KAZN: variants seen among roughly 807,000 people sequenced by gnomAD.
The protein encoded by KAZN is kazrin, periplakin interacting protein.
A neutral mutation model predicts 87.4 loss-of-function variants in KAZN; 40 were observed. The ratio of observed to expected loss-of-function variants is 0.46; its 90% CI spans 0.36 to 0.60. The LOEUF (loss-of-function observed/expected upper bound fraction) is 0.60. KAZN is among the 20% of genes least tolerant of loss of function. The probability of loss-of-function intolerance (pLI) is 0.00; values close to 1 mark genes in which losing one functional copy is unlikely to be tolerated. For synonymous variants in KAZN, 466 were observed against 458.3 expected, an observed-to-expected ratio of 1.02 and a Z score of -0.22; for missense variants, 898 against 1,073.9, an observed-to-expected ratio of 0.84 and a Z score of 2.29.
At chr1:14,447,627 T>C (rs922557326) in intron 2 of KAZN, among the ~76,000 whole-genome samples, 1 of 152,160 alleles carries the variant, frequency 6.6e-6, no homozygotes, top group Non-Finnish European at 1.5e-5. Context: ...TCCTCACTTT[T>C]AATTTTTATC....
chr1:14,386,029 A>G (rs960221888), intron 2 of KAZN, among the ~76,000 whole-genome samples: 3 of 151,854 alleles, frequency 2.0e-5, no homozygotes, highest in African/African-American at 7.3e-5. Flanking sequence ...TAGGATAGTT[A>G]GCTCTTCTTG....
chr1:14,535,525 G>T (rs1161447034), intron 2 of KAZN, among the ~76,000 whole-genome samples: 1 of 152,094 alleles, frequency 6.6e-6, no homozygotes, highest in East Asian at 1.9e-4. Context: ...ACTTAGCTGG[G>T]CGTGGTGGCG....
intron 1 of KAZN, among the ~76,000 whole-genome samples, chr1:14,916,362 G>T (rs1281923632): frequency 2.0e-5 from 3 of 151,908 alleles, no homozygotes; most frequent in African/African-American, 7.3e-5. Flanking sequence ...TAGAGATGGG[G>T]TTTCACCATG....
At chr1:14,437,642 C>T (rs1666474819) in intron 2 of KAZN, among the ~76,000 whole-genome samples, 1 of 152,152 alleles carries the variant, frequency 6.6e-6, no homozygotes, top group Non-Finnish European at 1.5e-5. Flanking sequence ...CCCCTGCCTC[C>T]ACCTCTCAGA....
intron 1 of KAZN, among the ~76,000 whole-genome samples, chr1:14,853,220 C>T (rs1009897191): frequency 6.6e-6 from 1 of 152,056 alleles, no homozygotes; most frequent in Non-Finnish European, 1.5e-5. Context: ...GTTAGAGGAG[C>T]GATCACAACA....
At chr1:14,772,501 C>T (rs1645046010) in intron 1 of KAZN, among the ~76,000 whole-genome samples, 1 of 145,684 alleles carries the variant, frequency 6.9e-6, no homozygotes, top group African/African-American at 2.5e-5. Context: ...CTGCCCCAAT[C>T]ACCTAATACG....
At position 14,856,103 on chromosome 1, in the gene KAZN, A is replaced by G. The variant is rs752137550; in HGVS notation, c.227-104581A>G. ...TTACATCCTTGGGGGTTTGGGTTTA[A>G]GTTACGTAGTAGTTATTGCAAGGGT... On this transcript the variant is annotated intron_variant, in intron 1 of 14. Coordinates refer to ENST00000376030, the MANE Select transcript of KAZN (RefSeq NM_201628.3). This position sits in a 1 kb window ranked among gnomAD's most constrained non-coding sequence, Gnocchi z 5.2. Among the ~76,000 whole-genome samples the G allele has an allele frequency of 3.3e-5, 5 of 152,180 alleles. No individual in the cohort carries two copies. The highest frequency in any genetic ancestry group is 7.3e-5 in the Non-Finnish European group (5 of 68,052).
intron 1 of KAZN, among the ~76,000 whole-genome samples, chr1:14,841,480 G>A (rs1648007144): frequency 6.7e-6 from 1 of 148,768 alleles, no homozygotes. Flanking sequence ...CAAGTAGGGA[G>A]AGGACACTCC....
chr1:14,864,021 A>G (rs1331689590), intron 1 of KAZN, among the ~76,000 whole-genome samples: 1 of 152,186 alleles, frequency 6.6e-6, no homozygotes, highest in African/African-American at 2.4e-5. Flanking sequence ...GTAATTATTC[A>G]GAGGCTGTTA....
chr1:13,923,867 C>T (rs1487878294), intron 1 of KAZN, among the ~76,000 whole-genome samples: 1 of 152,064 alleles, frequency 6.6e-6, no homozygotes, highest in Non-Finnish European at 1.5e-5. Context: ...TAGGAAATGT[C>T]CAGTTGATGT....
chr1:14,846,490 T>C (rs188530833), intron 1 of KAZN, among the ~76,000 whole-genome samples: 233 of 152,132 alleles, frequency 1.5e-3, no homozygotes, highest in African/African-American at 5.1e-3. Context: ...CAACAGACCG[T>C]GAGATATTAA....
chr1:14,548,090 G>T (rs532814528), intron 2 of KAZN, among the ~76,000 whole-genome samples: 1 of 150,790 alleles, frequency 6.6e-6, no homozygotes, highest in Non-Finnish European at 1.5e-5. Context: ...AATGTTTTAA[G>T]AAAGTTTACG....
At chr1:14,790,291 C>T (rs554844513) in intron 1 of KAZN, among the ~76,000 whole-genome samples, 1 of 152,044 alleles carries the variant, frequency 6.6e-6, no homozygotes, top group South Asian at 2.1e-4. Context: ...GGATTGCAGG[C>T]GTGAGCCACC....
intron 2 of KAZN, among the ~76,000 whole-genome samples, chr1:15,030,536 C>T (rs944236220): frequency 3.9e-5 from 6 of 152,206 alleles, no homozygotes; most frequent in African/African-American, 1.4e-4. Flanking sequence ...GCTGGGATTA[C>T]AGGCCTGAGC....
chr1:14,139,187 C>T (rs1645177271), intron 1 of KAZN, among the ~76,000 whole-genome samples: 1 of 152,198 alleles, frequency 6.6e-6, no homozygotes, highest in African/African-American at 2.4e-5. Context: ...CTGTCCTGGA[C>T]AGTGGCCACT....
intron 1 of KAZN, among the ~76,000 whole-genome samples, chr1:14,745,021 C>T (rs1031745518): frequency 3.3e-5 from 5 of 152,046 alleles, no homozygotes; most frequent in African/African-American, 9.7e-5. Flanking sequence ...ACAGATAGAC[C>T]TTGAAGTTCA....
chr1:14,153,755 G>A (rs917814003), intron 1 of KAZN, among the ~76,000 whole-genome samples: 2 of 142,742 alleles, frequency 1.4e-5, no homozygotes, highest in African/African-American at 5.3e-5. Flanking sequence ...TCCAGCCTGG[G>A]CAATAAGAGC....
In KAZN at chr1:14,820,512, C is replaced by T. The variant is rs1646708538; in HGVS notation, c.227-140172C>T. Among the ~76,000 whole-genome samples the T allele has an allele frequency of 6.6e-6, 1 of 152,244 alleles. No individual in the cohort carries two copies. The highest frequency in any genetic ancestry group is 2.4e-5 in the African/African-American group (1 of 41,462). On this transcript the variant is annotated intron_variant, in intron 1 of 14. Transcript: ENST00000376030. This position sits in a 1 kb window ranked among gnomAD's most constrained non-coding sequence, Gnocchi z 4.1. Reference sequence around the variant, plus strand: ...CTGCAAACCCACGTGCTGGGCTGCACAGCTGCCTGAACGAAGCTGGAGCGT... The same window carrying T: ...CTGCAAACCCACGTGCTGGGCTGCATAGCTGCCTGAACGAAGCTGGAGCGT...
chr1:14,910,504 C>A (rs760558169), intron 1 of KAZN, among the ~76,000 whole-genome samples: 6 of 152,274 alleles, frequency 3.9e-5, no homozygotes, highest in Non-Finnish European at 8.8e-5. Flanking sequence ...GCAGTCCCCA[C>A]CTCCCCAGTG....
Sources: gnomAD v4.1 joint callset for allele counts (sites outside exome capture counted in the v4.1 genomes callset) on GRCh38, gnomAD v4.1.1 for gene constraint, Gnocchi (gnomAD v3.1) non-coding constraint, MANE v1.5 for transcripts, NCBI Gene and HGNC (gene_info 2026-07-23, HGNC 2026-07-21) for gene names.